The following TLK2 variants were observed in gnomAD, a reference collection of about 807,000 sequenced individuals.
The protein encoded by TLK2 is tousled like kinase 2, also known as serine/threonine-protein kinase tousled-like 2.
Under a neutral mutation model 117.3 loss-of-function variants are expected in TLK2, and 6 were observed. That is an observed-to-expected ratio of 0.05 (90% CI 0.03 to 0.10). The LOEUF (loss-of-function observed/expected upper bound fraction) is 0.10. Among genes scored for constraint, TLK2 ranks in the 10% least tolerant of loss-of-function variants. The probability of loss-of-function intolerance (pLI) is 1.00; values close to 1 mark genes in which losing one functional copy is unlikely to be tolerated. For synonymous variants in TLK2, 257 were observed against 316.7 expected (o/e 0.81, Z 2.00); for missense variants, 299 against 901.2 (o/e 0.33, Z 8.56).
chr17:62,575,598 C>T (rs112487967), intron 12 of TLK2, among the ~76,000 whole-genome samples: 3,635 of 152,248 alleles, frequency 0.024, 59 homozygotes, highest in Non-Finnish European at 0.037. Context: ...TTCTAGAATG[C>T]GAAGAAGGTA....
intron 7 of TLK2, among the ~76,000 whole-genome samples, chr17:62,549,288 A>C (rs1186767284): frequency 6.8e-6 from 1 of 146,550 alleles, no homozygotes; most frequent in Admixed American, 6.8e-5. Flanking sequence ...AGTCCCAGCT[A>C]CTCGGGAGGC....
intron 16 of TLK2, among the ~76,000 whole-genome samples, chr17:62,588,046 T>C (rs1190051969): frequency 1.5e-5 from 2 of 137,380 alleles, no homozygotes; most frequent in East Asian, 2.2e-4. Flanking sequence ...CATCTGTATA[T>C]GTATAAAATA....
chr17:62,580,324 T>C (rs2146770853), intron 15 of TLK2, 132 bp downstream of exon 15: 1 of 580,148 alleles, frequency 1.7e-6, no homozygotes. Flanking sequence ...TAAAAACCTG[T>C]ATCTTTGGGA....
intron 6 of TLK2, among the ~76,000 whole-genome samples, chr17:62,527,479 C>T (rs1234204156): frequency 6.6e-6 from 1 of 151,820 alleles, no homozygotes; most frequent in African/African-American, 2.4e-5. Flanking sequence ...GTTACTAACC[C>T]CCTCCCTGCC....
chr17:62,516,747 G>A, intron 2 of TLK2: 1 of 1,578,576 alleles, frequency 6.3e-7, no homozygotes, highest in South Asian at 1.1e-5. Context: ...TGGCAATCCA[G>A]TTCTTCTTAG....
intron 1 of TLK2, among the ~76,000 whole-genome samples, chr17:62,473,291 T>C (rs1346272499): frequency 3.3e-4 from 50 of 152,100 alleles, no homozygotes; most frequent in Non-Finnish European, 5.9e-5. Flanking sequence ...CTTGGAACAA[T>C]GATGATGACC....
upstream of TLK2, among the ~76,000 whole-genome samples, chr17:62,474,911 C>A (rs1342523122): frequency 6.6e-6 from 1 of 152,014 alleles, no homozygotes; most frequent in Non-Finnish European, 1.5e-5. Context: ...ACCCTCCTGC[C>A]TCAGCCTCCT....
chr17:62,594,655 A>G (rs1346747939), intron 16 of TLK2, among the ~76,000 whole-genome samples: 2 of 152,346 alleles, frequency 1.3e-5, no homozygotes, highest in Non-Finnish European at 2.9e-5. Context: ...CATTTAAGAA[A>G]GTTTAATAGA....
At position 62,479,082 on chromosome 17, in the gene TLK2, A is replaced by T. The variant is rs2071279853; in HGVS notation, c.-214A>T. The T allele has an allele frequency of 6.8e-6, 1 of 147,672 alleles. No individual in the cohort carries two copies. The highest frequency in any genetic ancestry group is 1.5e-5 in the Non-Finnish European group (1 of 66,650). 9.1% of individuals were successfully genotyped at this position (147,672 alleles called of 1,614,324 possible). ...CCTGGCTCTGTACGCGAGCCCGGGG[A>T]TCTGCGGCCTTCGTGCCCCCCCTCC... On this transcript the variant is annotated 5_prime_UTR_variant, in exon 1 of 22. Coordinates refer to ENST00000346027, the MANE Select transcript of TLK2 (RefSeq NM_006852.6).
intron 3 of TLK2, among the ~76,000 whole-genome samples, chr17:62,521,345 G>A (rs1379678926): frequency 1.3e-5 from 2 of 152,284 alleles, no homozygotes; most frequent in African/African-American, 2.4e-5. Flanking sequence ...ATCAGTAAAG[G>A]ATAGAAATTT....
intron 19 of TLK2, among the ~76,000 whole-genome samples, chr17:62,603,403 T>G (rs572832316): frequency 6.6e-6 from 1 of 152,366 alleles, no homozygotes; most frequent in Middle Eastern, 3.4e-3. Context: ...GTGGTGGTTA[T>G]TGTGGGCTAG....
At chr17:62,530,545 C>A (rs1391754111) in intron 6 of TLK2, among the ~76,000 whole-genome samples, 1 of 152,168 alleles carries the variant, frequency 6.6e-6, no homozygotes, top group Non-Finnish European at 1.5e-5. Context: ...CATCCTCTAC[C>A]AAATAAAATA....
chr17:62,554,149 C>G (rs981823933), intron 9 of TLK2, among the ~76,000 whole-genome samples: 6 of 152,102 alleles, frequency 3.9e-5, no homozygotes, highest in African/African-American at 1.4e-4. Context: ...CTTTTATAAC[C>G]TACTCACCCA....
At chr17:62,499,999 A>G (rs2074054822) in intron 2 of TLK2, among the ~76,000 whole-genome samples, 1 of 152,180 alleles carries the variant, frequency 6.6e-6, no homozygotes, top group Non-Finnish European at 1.5e-5. Context: ...GCCATTTGCT[A>G]TAATGGGATC....
chr17:62,496,348 A>G (rs1197388838), intron 2 of TLK2, among the ~76,000 whole-genome samples: 2 of 152,128 alleles, frequency 1.3e-5, no homozygotes, highest in African/African-American at 4.8e-5. Context: ...TGTTTTGTTG[A>G]TATAAATAGT....
intron 16 of TLK2, among the ~76,000 whole-genome samples, chr17:62,590,903 G>T (rs377642865): frequency 6.6e-6 from 1 of 152,146 alleles, no homozygotes; most frequent in East Asian, 1.9e-4. Context: ...TAAACAAATT[G>T]TAATGCATCC....
chr17:62,486,264 C>G (rs1429965939), intron 2 of TLK2, among the ~76,000 whole-genome samples: 1 of 152,098 alleles, frequency 6.6e-6, no homozygotes, highest in Non-Finnish European at 1.5e-5. Flanking sequence ...TCAAGCGATT[C>G]TCTTGCCTCA....
chr17:62,578,334 T>C, intron 13 of TLK2, 143 bp from the exon 14 acceptor site: 1 of 684,540 alleles, frequency 1.5e-6, no homozygotes, highest in South Asian at 1.7e-5. Flanking sequence ...TTTTTATGAT[T>C]AAAATTCTTA....
chr17:62,496,352 A>C (rs1327861584), intron 2 of TLK2, among the ~76,000 whole-genome samples: 1 of 152,190 alleles, frequency 6.6e-6, no homozygotes, highest in African/African-American at 2.4e-5. Flanking sequence ...TTGTTGATAT[A>C]AATAGTGCTA....
Sources: allele counts gnomAD v4.1 joint callset (sites outside exome capture counted in the v4.1 genomes callset), GRCh38; gene constraint gnomAD v4.1.1; transcripts MANE v1.5; gene names NCBI Gene and HGNC (gene_info 2026-07-23, HGNC 2026-07-21).